Variants in VPS37A observed in about 807,000 individuals in gnomAD.
VPS37A encodes the protein vacuolar protein sorting-associated protein 37A.
A neutral mutation model predicts 49.8 loss-of-function variants in VPS37A; 30 were observed. The ratio of observed to expected loss-of-function variants is 0.60; its 90% CI spans 0.45 to 0.82. VPS37A has a LOEUF of 0.82. Among genes scored for constraint, VPS37A ranks in the 40% least tolerant of loss-of-function variants. The pLI, the probability that VPS37A is intolerant of heterozygous loss-of-function variation, is 0.00. For missense variants in VPS37A, 593 were observed against 464.4 expected, an observed-to-expected ratio of 1.28 and a Z score of -2.55; for synonymous variants, 195 against 160.6, an observed-to-expected ratio of 1.21 and a Z score of -1.62.
chr8:17,305,982 T>C (rs779636235), downstream of VPS37A: 28 of 1,554,846 alleles, frequency 1.8e-5, 1 homozygote, highest in South Asian at 3.1e-4. Context: ...ATTAGAGACT[T>C]TTTAAGGCAG....
At chr8:17,313,897 T>C in the VPS37A span, among the ~76,000 whole-genome samples, 1 of 152,170 alleles carries the variant, frequency 6.6e-6, no homozygotes, top group African/African-American at 2.4e-5. Context: ...ATGAAAATGA[T>C]CAAACTCCTC....
At chr8:17,251,619 C>G (rs1470450220) in intron 1 of VPS37A, among the ~76,000 whole-genome samples, 1 of 152,178 alleles carries the variant, frequency 6.6e-6, no homozygotes, top group Non-Finnish European at 1.5e-5. Flanking sequence ...ATTTAGAAAG[C>G]AAGTCCATTC....
At position 17,265,953 on chromosome 8, in the gene VPS37A, A is replaced by G. The variant is rs772398821; in HGVS notation, c.172A>G (p.Ile58Val). 14 of 1,613,128 alleles carry G rather than the reference A, an allele frequency of 8.7e-6. No homozygotes were observed. In the African/African-American group the frequency reaches 1.5e-4, roughly 17 times the overall value. ...KDVEYRLPFT[I>V]NNLTININIL... Reference sequence around the variant, plus strand: ...TGTGGAATACAGATTGCCATTCACCATAAACAACCTGACAATTAACATTAA... The same window carrying G: ...TGTGGAATACAGATTGCCATTCACCGTAAACAACCTGACAATTAACATTAA... Residue 58 changes from isoleucine to valine, a missense_variant, in exon 2 of 12, where the codon ATA becomes GTA. Physicochemically the swap from Ile to Val is conservative, Grantham distance 29. Coordinates refer to ENST00000324849, the MANE Select transcript of VPS37A (RefSeq NM_152415.3).
chr8:17,264,735 G>C (rs978421691), intron 1 of VPS37A, among the ~76,000 whole-genome samples: 1 of 152,082 alleles, frequency 6.6e-6, no homozygotes, highest in Admixed American at 6.5e-5. Flanking sequence ...ATCTTTGAAG[G>C]GTATTCATGC....
chr8:17,290,629 C>T lies in VPS37A; in HGVS notation c.*4202C>T, dbSNP rs549143699. Among the ~76,000 whole-genome samples the T allele has an allele frequency of 2.6e-5, 4 of 152,228 alleles. No homozygotes were observed. The East Asian group carries it at 7.7e-4, about 29-fold the overall frequency. ...ATTGATGTTCATCAGGGATATTGGC[C>T]TGAAATTTTCTTTTGTTGTTGTGTC... On this transcript the variant is annotated intron_variant, in intron 11 of 11. Coordinates refer to ENST00000324849, the MANE Select transcript of VPS37A (RefSeq NM_152415.3).
intron 4 of VPS37A, among the ~76,000 whole-genome samples, chr8:17,273,588 G>A (rs910063782): frequency 6.6e-6 from 1 of 151,982 alleles, no homozygotes; most frequent in Non-Finnish European, 1.5e-5. Context: ...GGATGGTCTC[G>A]ATCCCCTGAC....
chr8:17,274,822 G>A lies in VPS37A; in HGVS notation c.506G>A (p.Ser169Asn), dbSNP rs1193177728. ...TATCCTCCACAAGAAGCAAACAGGA[G>A]TATCACTTCTTTATCTGTTGCTGAC... is the stretch of plus-strand genomic sequence containing the variant. Reference protein sequence around the residue: ...PPYPPQEANRSITSLSVADTV... With the variant: ...PPYPPQEANRNITSLSVADTV... The change falls in exon 5 of 12, where the codon AGT becomes AAT. Residue 169 changes from serine to asparagine, a missense_variant. By Grantham distance (46) the Ser-to-Asn change is conservative (BLOSUM62 1). Coordinates refer to ENST00000324849, the MANE Select transcript of VPS37A (RefSeq NM_152415.3). The A allele has an allele frequency of 1.9e-6, 3 of 1,614,142 alleles. No homozygotes were observed. The highest frequency in any genetic ancestry group is 2.2e-5 in the East Asian group (1 of 44,870).
chr8:17,331,226 A>G, the VPS37A span: 1 of 1,612,738 alleles, frequency 6.2e-7, no homozygotes, highest in Non-Finnish European at 8.5e-7. Flanking sequence ...TGATATTGGA[A>G]TAATTGTCTT....
chr8:17,332,317 A>C, the VPS37A span, among the ~76,000 whole-genome samples: 7 of 152,358 alleles, frequency 4.6e-5, no homozygotes, highest in Admixed American at 4.6e-4. Context: ...ATGTTCTTTG[A>C]CACAGATCTC....
At position 17,274,670 on chromosome 8, in the gene VPS37A, G is replaced by A. The variant is rs577957297; in HGVS notation, c.417-63G>A. ...GACCTTTGTTATTTAGAACAATTTAGAAACAATTTGACATGTTTTATCCAT... is the reference window on the plus strand; with the variant it reads ...GACCTTTGTTATTTAGAACAATTTAAAAACAATTTGACATGTTTTATCCAT... On this transcript the variant is annotated intron_variant, in intron 4 of 11. Coordinates refer to ENST00000324849, the MANE Select transcript of VPS37A (RefSeq NM_152415.3). The A allele has an allele frequency of 2.0e-4, 268 of 1,360,796 alleles. 1 individual carries two copies. In the South Asian group the frequency reaches 2.6e-3, roughly 13 times the overall value. The allele number at this position is 1,360,796 out of a possible 1,614,324, so 84.3% of individuals were successfully genotyped here.
In VPS37A at chr8:17,297,156, G is replaced by GAGAT. The variant is rs1415145196; in HGVS notation, c.*2174_*2177dup. On this transcript the variant is annotated 3_prime_UTR_variant, in exon 12 of 12. Transcript: ENST00000324849. ...AGTTTGTATTCTGATTTTACAAGAT[G>GAGAT]AGATAGAAATCAGAATTAAAGAGGA... 5.3e-5 allele frequency: 8 copies of GAGAT among 152,282 alleles called. No homozygotes were observed. The East Asian group carries it at 5.8e-4, about 11-fold the overall frequency. 9.4% of individuals were successfully genotyped at this position (152,282 alleles called of 1,614,324 possible).
At chr8:17,287,643 A>G (rs1014856831) in intron 11 of VPS37A, among the ~76,000 whole-genome samples, 7 of 151,666 alleles carry the variant, frequency 4.6e-5, no homozygotes, top group Non-Finnish European at 8.8e-5. Context: ...ACGCCACTGC[A>G]CTCCAACCTG....
chr8:17,263,700 T>C (rs1813173213), intron 1 of VPS37A, among the ~76,000 whole-genome samples: 1 of 152,194 alleles, frequency 6.6e-6, no homozygotes, highest in Non-Finnish European at 1.5e-5. Flanking sequence ...TAAAACTTCA[T>C]TGGAAGGCCA....
intron 6 of VPS37A, among the ~76,000 whole-genome samples, chr8:17,277,342 A>C (rs1399688952): frequency 6.6e-6 from 1 of 152,158 alleles, no homozygotes; most frequent in East Asian, 1.9e-4. Flanking sequence ...ATAAGGTAGG[A>C]GTTCTCATTT....
the VPS37A span, among the ~76,000 whole-genome samples, chr8:17,320,683 C>T: frequency 7.2e-5 from 11 of 152,218 alleles, no homozygotes; most frequent in African/African-American, 2.4e-4. Flanking sequence ...TAAAACTGAG[C>T]AAGCTCGGCC....
chr8:17,248,423 C>A (rs1233826924), intron 1 of VPS37A: 1 of 453,422 alleles, frequency 2.2e-6, no homozygotes, highest in South Asian at 1.6e-5. Flanking sequence ...TACAGGTGCG[C>A]GCCACCATGC....
At chr8:17,309,540 A>T in the VPS37A span, among the ~76,000 whole-genome samples, 1 of 152,228 alleles carries the variant, frequency 6.6e-6, no homozygotes, top group Admixed American at 6.5e-5. Flanking sequence ...GTGGAAATGG[A>T]TGTATAAAAA....
chr8:17,278,072 C>G (rs1330202817), intron 6 of VPS37A, among the ~76,000 whole-genome samples: 1 of 151,910 alleles, frequency 6.6e-6, no homozygotes, highest in Non-Finnish European at 1.5e-5. Flanking sequence ...TCCTTAGTGC[C>G]TCCTTGTGGT....
intron 9 of VPS37A, among the ~76,000 whole-genome samples, chr8:17,283,227 C>T (rs1229829520): frequency 1.3e-5 from 2 of 152,024 alleles, no homozygotes; most frequent in Non-Finnish European, 2.9e-5. Flanking sequence ...GCAGTTACAG[C>T]TCACTGCAGC....
Sources: allele counts gnomAD v4.1 joint callset (sites outside exome capture counted in the v4.1 genomes callset), GRCh38; gene constraint gnomAD v4.1.1; transcripts MANE v1.5; gene names NCBI Gene and HGNC (gene_info 2026-07-23, HGNC 2026-07-21).